Variants in PJA2 observed in about 807,000 individuals in gnomAD.
PJA2 encodes the protein E3 ubiquitin-protein ligase Praja-2.
In PJA2, 25 loss-of-function variants were observed where a neutral mutation model predicts 69.3. That is an observed-to-expected ratio of 0.36 (90% confidence interval 0.26 to 0.50). The LOEUF (loss-of-function observed/expected upper bound fraction) is 0.50. Among genes scored for constraint, PJA2 ranks in the 20% least tolerant of loss-of-function variants. The probability of loss-of-function intolerance (pLI) is 0.96; values close to 1 mark genes in which losing one functional copy is unlikely to be tolerated. For synonymous variants in PJA2, 308 were observed against 277.8 expected (o/e 1.11, Z -1.08); for missense variants, 809 against 830.2 (o/e 0.97, Z 0.31).
intron 2 of PJA2, 81 bp downstream of exon 2, chr5:109,383,322 T>TC: frequency 8.1e-7 from 1 of 1,237,828 alleles, no homozygotes; most frequent in Non-Finnish European, 1.2e-6. Flanking sequence ...GGTCAGATGA[T>TC]CATATGTCAC....
chr5:109,390,378 T>C (rs1747254637), intron 1 of PJA2, among the ~76,000 whole-genome samples: 1 of 152,028 alleles, frequency 6.6e-6, no homozygotes, highest in Non-Finnish European at 1.5e-5. Context: ...TAAATCTATT[T>C]TGTCTGGTAT....
At chr5:109,383,333 TTA>T in intron 2 of PJA2, 68 bp downstream of exon 2, 1 of 1,341,302 alleles carries the variant, frequency 7.5e-7, no homozygotes, top group East Asian at 2.3e-5. Flanking sequence ...CATATGTCAC[TTA>T]CTGGTACTCA....
rs1032431164 is a variant in PJA2, at chr5:109,336,526, C to A, written c.*705G>T. 6.6e-6 allele frequency: 1 copy of A among 151,980 alleles called. No individual in the cohort carries two copies. Among genetic ancestry groups the A allele is most frequent in the Non-Finnish European group, 1.5e-5 (1 of 68,002 alleles). 9.4% of individuals were successfully genotyped at this position (151,980 alleles called of 1,614,324 possible). Reference sequence around the variant, plus strand: ...ATCTAATTCAGCTCATTGTACCAAGCCCTGAGCACACTAGATTCTTTGTAT... The same window carrying A: ...ATCTAATTCAGCTCATTGTACCAAGACCTGAGCACACTAGATTCTTTGTAT... On this transcript the variant is annotated 3_prime_UTR_variant, in exon 10 of 10. Transcript: ENST00000361189.
chr5:109,396,162 CA>C (rs1173985799), intron 1 of PJA2, among the ~76,000 whole-genome samples: 3 of 152,068 alleles, frequency 2.0e-5, no homozygotes, highest in Non-Finnish European at 4.4e-5. Flanking sequence ...GAGTCTACTG[CA>C]AAAGACTCAT....
At position 109,403,872 on chromosome 5, in the gene PJA2, C is replaced by T. The variant is rs544230764; in HGVS notation, c.-88+5970G>A. Among the ~76,000 whole-genome samples, 11 of 151,890 alleles carry T rather than the reference C, an allele frequency of 7.2e-5. No individual in the cohort carries two copies. In the East Asian group the frequency reaches 1.9e-3, roughly 27 times the overall value. The stretch of plus-strand genomic sequence containing the variant: ...AGATCACGAGGTGAGGAGTTCAAGA[C>T]CAGCCTGGCCAACATGGTAAAACCC... On this transcript the variant is annotated intron_variant, in intron 1 of 9. Coordinates refer to ENST00000361189, the MANE Select transcript of PJA2 (RefSeq NM_014819.5).
intron 1 of PJA2, among the ~76,000 whole-genome samples, chr5:109,385,574 G>A (rs1275482917): frequency 6.6e-6 from 1 of 152,176 alleles, no homozygotes; most frequent in East Asian, 1.9e-4. Context: ...TATTAAATAG[G>A]AGTCTGGTGT....
chr5:109,354,388 CTCTGATATCTAGAGATATCTATAGATTA>C lies in PJA2; in HGVS notation c.1764+1499_1764+1526del, dbSNP rs1561346207. ...CTAGAGATATCTATAGATTAGATAT[CTCTGATATCTAGAGATATCTATAGATTA>C]GATATCTATGATATCTAGAGATGTC... is the stretch of plus-strand genomic sequence containing the variant. On this transcript the variant is annotated intron_variant, in intron 7 of 9. Transcript: ENST00000361189. Among the ~76,000 whole-genome samples, 58 of 135,272 alleles carry C rather than the reference CTCTGATATCTAGAGATATCTATAGATTA, an allele frequency of 4.3e-4. 4 individuals carry two copies. The highest frequency in any genetic ancestry group is 2.3e-3 in the South Asian group (10 of 4,364). 88.7% of individuals were successfully genotyped at this position (135,272 alleles called of 152,430 possible). A position where few individuals can be genotyped will look rare whatever the true frequency, so the allele number is the denominator to read the frequency against.
At chr5:109,362,768 A>T in intron 6 of PJA2, 72 bp downstream of exon 6, 1 of 1,384,412 alleles carries the variant, frequency 7.2e-7, no homozygotes, top group East Asian at 2.4e-5. Context: ...GCTAGCAGAG[A>T]TTTAATTTTC....
At chr5:109,401,907 T>C (rs993471498) in intron 1 of PJA2, among the ~76,000 whole-genome samples, 1 of 152,184 alleles carries the variant, frequency 6.6e-6, no homozygotes, top group East Asian at 1.9e-4. Context: ...TATTACAAGG[T>C]ATTATGCATT....
rs1291917679 is a variant in PJA2 at position 109,394,035 on chromosome 5, T to TTC, written c.-87-10517_-87-10516dup. 1.7e-3 allele frequency among the ~76,000 whole-genome samples: 234 copies of TTC among 138,716 alleles called. 3 individuals are homozygous for TTC. The highest frequency in any genetic ancestry group is 5.7e-3 in the African/African-American group (201 of 35,318). 91.0% of individuals were successfully genotyped at this position (138,716 alleles called of 152,430 possible). ...GAAGGATGTGCTAGTAACATTCTAA[T>TTC]TCTCTTTTTTTTTTTTTTTTTTTTT... On this transcript the variant is annotated intron_variant, in intron 1 of 9. Coordinates refer to ENST00000361189, the MANE Select transcript of PJA2 (RefSeq NM_014819.5).
At chr5:109,372,764 G>A (rs1244749541) in intron 4 of PJA2, among the ~76,000 whole-genome samples, 1 of 151,866 alleles carries the variant, frequency 6.6e-6, no homozygotes, top group African/African-American at 2.4e-5. Flanking sequence ...AATTAGCTGG[G>A]TGTGGTGGCG....
intron 5 of PJA2, among the ~76,000 whole-genome samples, chr5:109,367,869 G>T (rs1254376848): frequency 1.3e-5 from 2 of 152,166 alleles, no homozygotes; most frequent in African/African-American, 4.8e-5. Context: ...ATGCTGAAAA[G>T]ACTTTCATAA....
At chr5:109,343,955 AG>A (rs201784109) in intron 9 of PJA2, among the ~76,000 whole-genome samples, 8,666 of 151,436 alleles carry the variant, frequency 0.057, 341 homozygotes, top group Non-Finnish European at 0.087. Context: ...AAATTAGCTG[AG>A]CTTGGTGGTG....
At chr5:109,394,123 C>T (rs1486339564) in intron 1 of PJA2, among the ~76,000 whole-genome samples, 1 of 141,042 alleles carries the variant, frequency 7.1e-6, no homozygotes, top group African/African-American at 2.6e-5. Context: ...TCTTGGCTCA[C>T]TGCAACATCC....
chr5:109,395,736 T>C lies in PJA2; in HGVS notation c.-87-12216A>G, dbSNP rs148125577. 3.7e-3 allele frequency among the ~76,000 whole-genome samples: 562 copies of C among 152,198 alleles called. 5 individuals are homozygous for C. The highest frequency in any genetic ancestry group is 0.013 in the African/African-American group (538 of 41,544). ...TCATGAACTAGCCAGACAAGGCTCA[T>C]GCCTGTAATCCCAGCACTTTGGGAG... is the stretch of plus-strand genomic sequence containing the variant. On this transcript the variant is annotated intron_variant, in intron 1 of 9. Coordinates refer to ENST00000361189, the MANE Select transcript of PJA2 (RefSeq NM_014819.5).
chr5:109,354,586 A>G (rs1413234557), intron 7 of PJA2, among the ~76,000 whole-genome samples: 1 of 134,478 alleles, frequency 7.4e-6, no homozygotes, highest in African/African-American at 2.6e-5. Flanking sequence ...ATAGATATCT[A>G]TATCGATATT....
chr5:109,338,636 CAAA>C (rs11336749), intron 9 of PJA2, among the ~76,000 whole-genome samples: 9 of 62,432 alleles, frequency 1.4e-4, no homozygotes, highest in East Asian at 1.3e-3. Flanking sequence ...AACTCCGTCT[CAAA>C]AAAAAAAAAA....
intron 5 of PJA2, among the ~76,000 whole-genome samples, chr5:109,363,908 T>C (rs1762537925): frequency 1.3e-5 from 2 of 152,090 alleles, no homozygotes; most frequent in African/African-American, 4.8e-5. Flanking sequence ...TCCCAGCACT[T>C]TGGGAGTCCG....
At chr5:109,367,402 AC>A (rs1561352004) in intron 5 of PJA2, among the ~76,000 whole-genome samples, 3 of 151,836 alleles carry the variant, frequency 2.0e-5, no homozygotes, top group African/African-American at 7.2e-5. Flanking sequence ...CTAAAAAAAA[AC>A]ATAATTTACC....
Sources: gnomAD v4.1 joint callset for allele counts (sites outside exome capture counted in the v4.1 genomes callset) on GRCh38, gnomAD v4.1.1 for gene constraint, MANE v1.5 for transcripts, NCBI Gene and HGNC (gene_info 2026-07-23, HGNC 2026-07-21) for gene names.